ANKS1B: variants seen among roughly 807,000 people sequenced by gnomAD.
ANKS1B encodes the protein ankyrin repeat and sterile alpha motif domain containing 1B.
ANKS1B carries 36 observed loss-of-function variants against 148.3 expected under a neutral mutation model. The observed-to-expected ratio is 0.24, with a 90% confidence interval of 0.19 to 0.32. ANKS1B has a LOEUF of 0.32. Ranked by LOEUF, ANKS1B falls within the 10% of genes least tolerant of loss-of-function variation. ANKS1B has a pLI of 1.00. For missense variants in ANKS1B, 1,157 were observed against 1,542.6 expected, an observed-to-expected ratio of 0.75 and a Z score of 4.19; for synonymous variants, 542 against 560.8, an observed-to-expected ratio of 0.97 and a Z score of 0.47.
chr12:99,399,285 C>A (rs921367959), intron 12 of ANKS1B, among the ~76,000 whole-genome samples: 1 of 152,114 alleles, frequency 6.6e-6, no homozygotes, highest in Non-Finnish European at 1.5e-5. Flanking sequence ...GATATAAGTT[C>A]TCCGGCTTCA....
intron 1 of ANKS1B, among the ~76,000 whole-genome samples, chr12:99,875,767 T>G (rs1000427137): frequency 2.0e-5 from 3 of 152,252 alleles, no homozygotes; most frequent in Non-Finnish European, 4.4e-5. Context: ...AGATGTTTAC[T>G]GTGTGTCTCC....
chr12:99,246,127 T>A (rs1335692006), intron 13 of ANKS1B, 148 bp downstream of exon 13: 5 of 586,660 alleles, frequency 8.5e-6, no homozygotes, highest in Non-Finnish European at 1.4e-5. Flanking sequence ...TTACCATGCA[T>A]TACCCACAGA....
rs868589073 is a variant in ANKS1B at position 99,648,232 on chromosome 12, A to G, written c.1272+6835T>C. 6.2e-7 allele frequency: 1 copy of G among 1,614,220 alleles called. No homozygotes were observed. Among genetic ancestry groups the G allele is most frequent in the African/African-American group, 1.3e-5 (1 of 75,056 alleles). On this transcript the variant is annotated intron_variant, in intron 9 of 26. Transcript: ENST00000683438. ...GGCCCAAAGCAGCCCCGCAATGGGC[A>G]TGTTTAACACCTCCATGGGGAAGCT...
In ANKS1B at chr12:98,829,214, T is replaced by C. The variant is rs780263819; in HGVS notation, c.3026A>G (p.Asp1009Gly). The C allele has an allele frequency of 6.2e-7, 1 of 1,614,074 alleles. No individual in the cohort carries two copies. Among genetic ancestry groups the C allele is most frequent in the South Asian group, 1.1e-5 (1 of 91,084 alleles). ...ARRRRNENYF[D>G]DIPRSKLERQ... ...CTCCAGTTTTGATCGGGGAATATCA[T>C]CAAAGTAGTTTTCATTTCTTCTCCT... Residue 1009 changes from aspartate (D) to glycine (G), a missense_variant, in exon 19 of 27, where the codon GAT (aspartate) becomes GGT (glycine). This residue lies in a region of ANKS1B where 258 missense variants were observed against 497.0 expected (regional missense o/e 0.52). Coordinates refer to ENST00000683438, the MANE Select transcript of ANKS1B (RefSeq NM_001352186.2). The surrounding 1 kb of genome is among the most constrained non-coding windows in gnomAD (Gnocchi z 5.2).
chr12:99,399,509 C>T, intron 12 of ANKS1B, 122 bp downstream of exon 12: 1 of 993,450 alleles, frequency 1.0e-6, no homozygotes, highest in Non-Finnish European at 1.5e-6. Flanking sequence ...CCTACATTGC[C>T]ACACATGGAG....
At chr12:99,451,552 T>C (rs997053852) in intron 10 of ANKS1B, among the ~76,000 whole-genome samples, 2 of 151,978 alleles carry the variant, frequency 1.3e-5, no homozygotes, top group Non-Finnish European at 2.9e-5. Flanking sequence ...TTGAGCAAAA[T>C]GTAGAGAGAT....
At chr12:98,760,582 C>T (rs2098382979) in intron 25 of ANKS1B, among the ~76,000 whole-genome samples, 1 of 152,218 alleles carries the variant, frequency 6.6e-6, no homozygotes, top group Non-Finnish European at 1.5e-5. Context: ...AACCTCTCTG[C>T]AGGTGCTGTC....
chr12:98,920,210 C>T (rs192647200), intron 17 of ANKS1B, among the ~76,000 whole-genome samples: 112 of 152,316 alleles, frequency 7.4e-4, no homozygotes, highest in African/African-American at 2.6e-3. Flanking sequence ...TAAAGCCACA[C>T]TATTTGCTTA....
chr12:99,155,191 T>C, intron 14 of ANKS1B: 1 of 1,270,442 alleles, frequency 7.9e-7, no homozygotes, highest in Non-Finnish European at 1.0e-6. Context: ...CCCTTTCTCC[T>C]TTTCCTTTCT....
intron 9 of ANKS1B, among the ~76,000 whole-genome samples, chr12:99,621,453 G>C (rs964862994): frequency 7.0e-6 from 1 of 142,054 alleles, no homozygotes; most frequent in African/African-American, 2.7e-5. Flanking sequence ...TCACAGAGAG[G>C]CAAATTGGAA....
At chr12:98,934,015 A>ATTTTGTTTTT (rs1157716485) in intron 17 of ANKS1B, among the ~76,000 whole-genome samples, 2 of 152,014 alleles carry the variant, frequency 1.3e-5, no homozygotes, top group Admixed American at 1.3e-4. Flanking sequence ...ATTTTGATGT[A>ATTTTGTTTTT]GTCCTACTTA....
At chr12:99,569,809 C>T (rs913809852) in intron 9 of ANKS1B, among the ~76,000 whole-genome samples, 25 of 152,276 alleles carry the variant, frequency 1.6e-4, no homozygotes, top group African/African-American at 5.5e-4. Context: ...GTTGAGCCAG[C>T]CTGCCAGTTC....
chr12:99,538,234 A>G (rs756391834), intron 9 of ANKS1B, among the ~76,000 whole-genome samples: 1 of 152,042 alleles, frequency 6.6e-6, no homozygotes, highest in Non-Finnish European at 1.5e-5. Flanking sequence ...AGCTTTGGCT[A>G]TTCTGGTTTT....
chr12:99,352,295 T>C (rs1283149015), intron 12 of ANKS1B, among the ~76,000 whole-genome samples: 1 of 152,056 alleles, frequency 6.6e-6, no homozygotes, highest in Non-Finnish European at 1.5e-5. Flanking sequence ...TAAATACTTG[T>C]TGGATGAACA....
intron 1 of ANKS1B, among the ~76,000 whole-genome samples, chr12:99,956,517 T>G (rs574742536): frequency 6.6e-6 from 1 of 152,186 alleles, no homozygotes; most frequent in African/African-American, 2.4e-5. Flanking sequence ...ATCTGGGTGA[T>G]AGAATAATGC....
intron 12 of ANKS1B, among the ~76,000 whole-genome samples, chr12:99,323,627 T>A (rs2152198529): frequency 6.6e-6 from 1 of 152,358 alleles, no homozygotes; most frequent in South Asian, 2.1e-4. Context: ...ATTTGTCACA[T>A]TTGGACTAAA....
intron 17 of ANKS1B, among the ~76,000 whole-genome samples, chr12:99,040,111 C>A (rs1294954601): frequency 6.6e-6 from 1 of 152,146 alleles, no homozygotes; most frequent in Admixed American, 6.5e-5. Context: ...CCTTACCCTG[C>A]CTCTTGGGCT....
chr12:99,464,606 T>C (rs1309969991), intron 10 of ANKS1B, among the ~76,000 whole-genome samples: 2 of 152,164 alleles, frequency 1.3e-5, no homozygotes, highest in Admixed American at 6.5e-5. Context: ...AAGGAGTTGA[T>C]GGAGCTGAAA....
rs200324622 is a variant in ANKS1B at position 99,097,891 on chromosome 12, G to T, written c.2527-12868C>A. Among the ~76,000 whole-genome samples, 5 of 152,328 alleles carry T rather than the reference G, an allele frequency of 3.3e-5. No homozygotes were observed. In the East Asian group the frequency reaches 9.6e-4, roughly 29 times the overall value. On this transcript the variant is annotated intron_variant, in intron 15 of 26. Transcript: ENST00000683438. ...ATCTACTCATACACTCCTATTGCCT[G>T]AAGAATAATTAATTCTTCTTGCTTT...
Sources: allele counts gnomAD v4.1 joint callset (sites outside exome capture counted in the v4.1 genomes callset), GRCh38; gene constraint gnomAD v4.1.1; regional missense constraint gnomAD v4.1.1; non-coding constraint Gnocchi (gnomAD v3.1); transcripts MANE v1.5; gene names NCBI Gene and HGNC (gene_info 2026-07-23, HGNC 2026-07-21).